Variants in GSE1 observed in about 807,000 individuals in gnomAD.
GSE1 encodes Gse1 coiled-coil protein.
GSE1 carries 32 observed loss-of-function variants against 112.6 expected under a neutral mutation model. The ratio of observed to expected loss-of-function variants is 0.28; its 90% confidence interval spans 0.21 to 0.38. The LOEUF (loss-of-function observed/expected upper bound fraction) is 0.38. Among genes scored for constraint, GSE1 ranks in the 10% least tolerant of loss-of-function variants. GSE1 has a pLI of 1.00. For missense variants in GSE1, 2,348 were observed against 1,699.2 expected (o/e 1.38, Z -6.71); for synonymous variants, 1,115 against 735.6 (o/e 1.52, Z -8.35).
chr16:85,615,226 A>G (rs1449456478), intron 1 of GSE1, among the ~76,000 whole-genome samples: 1 of 152,228 alleles, frequency 6.6e-6, no homozygotes, highest in Non-Finnish European at 1.5e-5. Flanking sequence ...TGAGGGGCCC[A>G]GGGCGCAGGC....
chr16:85,627,426 C>T (rs971830751), intron 1 of GSE1, among the ~76,000 whole-genome samples: 14 of 152,086 alleles, frequency 9.2e-5, no homozygotes, highest in Non-Finnish European at 1.6e-4. Context: ...TGTCCCCTGG[C>T]CCCTCAGTTT....
At chr16:85,257,499 G>A (rs1313267539) in intron 1 of GSE1, among the ~76,000 whole-genome samples, 1 of 152,184 alleles carries the variant, frequency 6.6e-6, no homozygotes, top group Non-Finnish European at 1.5e-5. Context: ...CGCGAGGAAG[G>A]ATGTTTCTTA....
intron 1 of GSE1, among the ~76,000 whole-genome samples, chr16:85,302,947 G>C (rs1327216475): frequency 6.6e-6 from 1 of 152,218 alleles, no homozygotes; most frequent in Non-Finnish European, 1.5e-5. Flanking sequence ...TCGGGGTCCG[G>C]TTTCCCGGAG....
At chr16:85,639,956 C>A (rs552430163) in intron 2 of GSE1, among the ~76,000 whole-genome samples, 1 of 152,096 alleles carries the variant, frequency 6.6e-6, no homozygotes, top group Non-Finnish European at 1.5e-5. Flanking sequence ...GGACCAGGCA[C>A]CCCCTCCCTG....
chr16:85,428,101 A>T (rs57089601), intron 2 of GSE1, among the ~76,000 whole-genome samples: 4,445 of 152,264 alleles, frequency 0.029, 221 homozygotes, highest in African/African-American at 0.1. Context: ...CCCCTTGTTC[A>T]AGGGGCTTCG....
rs2074882546 is a variant in GSE1, at chr16:85,194,157, AT to A, written c.2283+22351del. On this transcript the variant is annotated intron_variant, in intron 1 of 2. Transcript: ENST00000637419. ...CACGCCCCTGAATCCGTTCAGGAGAATGGTCACCTTCTCTCTTTGCTGCTGT... is the reference window on the plus strand; with the variant it reads ...CACGCCCCTGAATCCGTTCAGGAGAAGGTCACCTTCTCTCTTTGCTGCTGT... Among the ~76,000 whole-genome samples, 5 of 152,252 alleles carry A rather than the reference AT, an allele frequency of 3.3e-5. No homozygotes were observed. In the South Asian group the frequency reaches 1.0e-3, roughly 32 times the overall value.
rs900036888 is a variant in GSE1, at chr16:85,586,777, G to A, written c.37+30414G>A. On this transcript the variant is annotated intron_variant, in intron 1 of 2. Transcript: ENST00000635906. ...TTTCTCCTGGGCTGCAGGAAACCCC[G>A]GAGCCGGTGGGCTCTCCTCCGTGCC... 5.9e-5 allele frequency among the ~76,000 whole-genome samples: 9 copies of A among 152,282 alleles called. No homozygotes were observed. The East Asian group carries it at 9.7e-4, about 16-fold the overall frequency.
In GSE1 at chr16:85,356,780, CCG is replaced by C. The variant is rs2046959102; in HGVS notation, c.2284-679_2284-678del. 2.6e-5 allele frequency among the ~76,000 whole-genome samples: 4 copies of C among 152,234 alleles called. No homozygotes were observed. The South Asian group carries it at 8.3e-4, about 32-fold the overall frequency. ...GTGCTGGGATTACAGGCGGGAGCCA[CCG>C]CGCCTGGCCTGTATCCATTTTGTCA... On this transcript the variant is annotated intron_variant, in intron 1 of 2. Coordinates refer to the GSE1 transcript ENST00000637419.
At chr16:85,390,432 A>C (rs887387830) in intron 2 of GSE1, among the ~76,000 whole-genome samples, 1 of 152,090 alleles carries the variant, frequency 6.6e-6, no homozygotes, top group Non-Finnish European at 1.5e-5. Flanking sequence ...CGGGGCAGCT[A>C]GTCCCCTTTG....
chr16:85,495,991 G>A (rs1455163593), intron 2 of GSE1, among the ~76,000 whole-genome samples: 7 of 152,196 alleles, frequency 4.6e-5, no homozygotes, highest in African/African-American at 1.2e-4. Flanking sequence ...GTCAAAAGCC[G>A]CGGGGGGACC....
At chr16:85,429,019 C>G (rs571999992) in intron 2 of GSE1, among the ~76,000 whole-genome samples, 2 of 152,200 alleles carry the variant, frequency 1.3e-5, no homozygotes, top group Non-Finnish European at 2.9e-5. Flanking sequence ...GCGTGCACAA[C>G]GCACACATAC....
intron 1 of GSE1, among the ~76,000 whole-genome samples, chr16:85,259,479 C>T: frequency 6.6e-6 from 1 of 152,266 alleles, no homozygotes; most frequent in East Asian, 1.9e-4. Flanking sequence ...CACAGCTGTC[C>T]TGCGGGGTGT....
intron 1 of GSE1, among the ~76,000 whole-genome samples, chr16:85,255,086 A>AGGCGGC (rs10689181): frequency 2.6e-5 from 4 of 151,978 alleles, no homozygotes; most frequent in Admixed American, 2.0e-4. Context: ...CCAGAGAGGG[A>AGGCGGC]GGCGGCGGCG....
chr16:85,369,276 C>T (rs541691515), intron 2 of GSE1, among the ~76,000 whole-genome samples: 1 of 152,076 alleles, frequency 6.6e-6, no homozygotes, highest in South Asian at 2.1e-4. Flanking sequence ...AGTGCAGTGG[C>T]GTGATCACGG....
chr16:85,237,412 C>T (rs1173440925), intron 1 of GSE1, among the ~76,000 whole-genome samples: 1 of 152,108 alleles, frequency 6.6e-6, no homozygotes, highest in African/African-American at 2.4e-5. Flanking sequence ...AGCACGGTGC[C>T]CGCTGCAGGG....
intron 2 of GSE1, among the ~76,000 whole-genome samples, chr16:85,462,645 G>C (rs1318537806): frequency 6.8e-6 from 1 of 147,808 alleles, no homozygotes; most frequent in African/African-American, 2.5e-5. Flanking sequence ...CAAGTGCAGG[G>C]GAGCGGAGGC....
chr16:85,661,235 T>C lies in GSE1; in HGVS notation c.1730T>C (p.Leu577Pro), dbSNP rs969948300. 6 of 1,612,398 alleles carry C rather than the reference T, an allele frequency of 3.7e-6. No homozygotes were observed. Among genetic ancestry groups the C allele is most frequent in the Non-Finnish European group, 5.1e-6 (6 of 1,179,720 alleles). The change falls in exon 9 of 16, where the codon CTC (leucine) becomes CCC (proline). Residue 577 changes from leucine to proline, a missense_variant. Transcript: ENST00000253458. The stretch of plus-strand genomic sequence containing the variant: ...CCTCTGATTTCGCCCAAGCCCCAGC[T>C]CCATGCTGCACCCACGGCCCTCTGG... ...PPPLISPKPQ[L>P]HAAPTALWNP...
chr16:85,278,310 G>A (rs1909576980), intron 1 of GSE1, among the ~76,000 whole-genome samples: 1 of 152,222 alleles, frequency 6.6e-6, no homozygotes, highest in Non-Finnish European at 1.5e-5. Context: ...CGGGAGCCCT[G>A]GAGGTCCCTC....
At chr16:85,206,995 G>A (rs898447268) in intron 1 of GSE1, among the ~76,000 whole-genome samples, 8 of 152,212 alleles carry the variant, frequency 5.3e-5, no homozygotes, top group Non-Finnish European at 8.8e-5. Flanking sequence ...GCGGTCCGGC[G>A]GGCTGGCCTC....
Sources: gnomAD v4.1 joint callset for allele counts (sites outside exome capture counted in the v4.1 genomes callset) on GRCh38, gnomAD v4.1.1 for gene constraint, MANE v1.5 for transcripts, NCBI Gene and HGNC (gene_info 2026-07-23, HGNC 2026-07-21) for gene names.